Variants in DCTN1 observed in about 807,000 individuals in gnomAD.
The protein encoded by DCTN1 is 150 kDa dynein-associated polypeptide.
Under a neutral mutation model 161.2 loss-of-function variants are expected in DCTN1, and 61 were observed. The ratio of observed to expected loss-of-function variants is 0.38; its 90% CI spans 0.31 to 0.47. DCTN1 has a LOEUF of 0.47. DCTN1 is among the 20% of genes least tolerant of loss of function. The pLI is 0.99. For synonymous variants in DCTN1, 653 were observed against 632.4 expected, an observed-to-expected ratio of 1.03 and a Z score of -0.49; for missense variants, 1,404 against 1,623.7, an observed-to-expected ratio of 0.86 and a Z score of 2.33.
At chr2:74,374,255 C>G (rs556545564) in intron 6 of DCTN1, 68 bp downstream of exon 6, 1 of 1,521,934 alleles carries the variant, frequency 6.6e-7, no homozygotes, top group Admixed American at 1.7e-5. Context: ...CCCCCACCCC[C>G]ACCCCAGCAG....
At chr2:74,361,909 T>C (rs1674021764) in intron 31 of DCTN1, 143 bp downstream of exon 31, 4 of 910,788 alleles carry the variant, frequency 4.4e-6, no homozygotes, top group Admixed American at 2.0e-5. Flanking sequence ...TCTGAGTTAC[T>C]TGTAAGTAAA....
At chr2:74,375,613 T>C (rs538878445) in intron 5 of DCTN1, among the ~76,000 whole-genome samples, 30 of 152,222 alleles carry the variant, frequency 2.0e-4, no homozygotes, top group African/African-American at 7.2e-4. Context: ...TATCAGACCA[T>C]AGTTTCATGC....
At position 74,361,162 on chromosome 2, in the gene DCTN1, G is replaced by T. The variant is rs1197398210; in HGVS notation, c.*337C>A. 1 of 430,730 alleles carries T rather than the reference G, an allele frequency of 2.3e-6. No individual in the cohort carries two copies. Among genetic ancestry groups the T allele is most frequent in the Non-Finnish European group, 4.6e-6 (1 of 219,330 alleles). The allele number at this position is 430,730 out of a possible 1,614,324, so 26.7% of individuals were successfully genotyped here. A position where few individuals can be genotyped will look rare whatever the true frequency, so the allele number is the denominator to read the frequency against. On this transcript the variant is annotated 3_prime_UTR_variant, in exon 32 of 32. Coordinates refer to ENST00000628224, the MANE Select transcript of DCTN1 (RefSeq NM_004082.5). ...TCAACACCACACAGGAAGCACTGAA[G>T]CAGAAGTTGCTTTAATCAAGGGGTG... is the stretch of plus-strand genomic sequence containing the variant.
In DCTN1 at chr2:74,389,859, G is replaced by C. The variant is rs909924611; in HGVS notation, c.-19+1935C>G. ...GGCATTATTATTATCAACCTAAATT[G>C]TCTAATATTGCTATGTGAAGCCTAT... On this transcript the variant is annotated intron_variant, in intron 1 of 27. Transcript: ENST00000409240. Among the ~76,000 whole-genome samples, 13 of 152,210 alleles carry C rather than the reference G, an allele frequency of 8.5e-5. No homozygotes were observed. The East Asian group carries it at 2.1e-3, about 25-fold the overall frequency.
upstream of DCTN1, chr2:74,380,674 C>A: frequency 2.4e-6 from 1 of 422,486 alleles, no homozygotes. Context: ...GACTCAGGGT[C>A]CAAATTCATG....
chr2:74,366,249 T>TG lies in DCTN1; in HGVS notation c.2754dup (p.Ser919GlnfsTer7), dbSNP rs1229620804. On this transcript the variant is annotated frameshift_variant, in exon 23 of 32. Transcript: ENST00000628224. LOFTEE classifies it high-confidence loss of function. ...CCAAGGAAATCTCCACCTACCTTGC[T>TG]GGGGGGCCGCTCTGCATCATACTCC... The TG allele has an allele frequency of 6.2e-7, 1 of 1,614,112 alleles. No individual in the cohort carries two copies.
At chr2:74,380,315 C>T (rs1045403667), upstream of DCTN1, 1 of 577,814 alleles carries the variant, frequency 1.7e-6, no homozygotes, top group Non-Finnish European at 3.2e-6. Flanking sequence ...TCACTCTGCG[C>T]TAGTGCTGCT....
chr2:74,381,973 G>A (rs1197200340), upstream of DCTN1, among the ~76,000 whole-genome samples: 1 of 152,216 alleles, frequency 6.6e-6, no homozygotes. Context: ...CTGAGTCTTT[G>A]AGAACTGAGC....
chr2:74,377,385 CTTCCCCTCCCTTTATTA>C (rs1463023994), intron 4 of DCTN1, 30 bp downstream of exon 4: 1 of 1,554,424 alleles, frequency 6.4e-7, no homozygotes, highest in Non-Finnish European at 8.9e-7. Context: ...CCTCTTTCTC[CTTCCCCTCCCTTTATTA>C]TTCCCCATTC....
intron 1 of DCTN1, chr2:74,391,165 G>C (rs1038620062): frequency 2.0e-5 from 3 of 153,000 alleles, no homozygotes; most frequent in Non-Finnish European, 4.4e-5. Context: ...CTAGCTCTTC[G>C]CCTCTCGGTA....
At chr2:74,379,844 C>T (rs1436450692) in intron 1 of DCTN1, among the ~76,000 whole-genome samples, 161 bp downstream of exon 1, 1 of 152,098 alleles carries the variant, frequency 6.6e-6, no homozygotes, top group Non-Finnish European at 1.5e-5. Context: ...GCCTGTCCAG[C>T]CTTACACCAC....
At chr2:74,384,580 A>T (rs1675649008), upstream of DCTN1, among the ~76,000 whole-genome samples, 1 of 152,246 alleles carries the variant, frequency 6.6e-6, no homozygotes, top group Non-Finnish European at 1.5e-5. Flanking sequence ...AGTCTTAGAG[A>T]AATTTCAGGA....
intron 26 of DCTN1, 89 bp downstream of exon 26, chr2:74,364,985 AG>A (rs1329415748): frequency 5.8e-6 from 9 of 1,549,040 alleles, no homozygotes; most frequent in Non-Finnish European, 7.1e-6. Flanking sequence ...CCCGGGGGTA[AG>A]GGGGGTGGGG....
chr2:74,381,270 C>A (rs971338942), upstream of DCTN1, among the ~76,000 whole-genome samples: 4 of 152,214 alleles, frequency 2.6e-5, no homozygotes, highest in Non-Finnish European at 4.4e-5. Context: ...TGGGGTCTGA[C>A]CTATGGCTCC....
chr2:74,375,531 A>G (rs1396108010), intron 5 of DCTN1, among the ~76,000 whole-genome samples: 1 of 152,198 alleles, frequency 6.6e-6, no homozygotes, highest in Non-Finnish European at 1.5e-5. Context: ...GCAGCTGCCA[A>G]AGCCCCTGGA....
In DCTN1 at chr2:74,366,010, C is replaced by A. The variant is rs751246549; in HGVS notation, c.2769G>T (p.Pro923=). 6.2e-7 allele frequency: 1 copy of A among 1,614,090 alleles called. No homozygotes were observed. Among genetic ancestry groups the A allele is most frequent in the Non-Finnish European group, 8.5e-7 (1 of 1,180,054 alleles). ...GAAGGGCAGCAGCCCGCAGTTCAAC[C>A]GGTGGAGGCTAAGGAATGGTCGGTA... ...DAERPPSKPP[P]VELRAAALRA... is the part of the protein sequence containing the mutation. Residue 923 remains proline, a synonymous_variant, in exon 24 of 32, where the codon CCG becomes CCT. Transcript: ENST00000628224.
intron 4 of DCTN1, 77 bp downstream of exon 4, chr2:74,377,355 G>A: frequency 7.7e-7 from 1 of 1,306,306 alleles, no homozygotes; most frequent in African/African-American, 1.4e-5. Context: ...ACTTCTACCT[G>A]CCTAGCACTG....
intron 1 of DCTN1, among the ~76,000 whole-genome samples, chr2:74,390,992 T>C (rs1287392735): frequency 1.3e-5 from 2 of 152,242 alleles, no homozygotes; most frequent in Non-Finnish European, 2.9e-5. Flanking sequence ...ATTAGCATAT[T>C]AAAGGCTCTG....
chr2:74,361,544 C>A lies in DCTN1; in HGVS notation c.3792G>T (p.Leu1264=), dbSNP rs1673989619. Residue 1264 remains leucine, a synonymous_variant, in exon 32 of 32, where the codon CTG becomes CTT. Coordinates refer to ENST00000628224, the MANE Select transcript of DCTN1 (RefSeq NM_004082.5). ...AGFGQRHRLV[L]TQEQLHQLHS... ...GAAGCTGGTGCAGCTGCTCCTGGGT[C>A]AGCACCAGCCGGTGTCGCTGTCCAA... 5 of 1,614,134 alleles carry A rather than the reference C, an allele frequency of 3.1e-6. No homozygotes were observed. Among genetic ancestry groups the A allele is most frequent in the South Asian group, 1.1e-5 (1 of 91,072 alleles).
Sources: gnomAD v4.1 joint callset for allele counts (sites outside exome capture counted in the v4.1 genomes callset) on GRCh38, gnomAD v4.1.1 for gene constraint, MANE v1.5 for transcripts, NCBI Gene and HGNC (gene_info 2026-07-23, HGNC 2026-07-21) for gene names.